The following ZFAND3 variants were observed in gnomAD, a reference collection of about 807,000 sequenced individuals.
The protein encoded by ZFAND3 is zinc finger AN1-type containing 3, also known as AN1-type zinc finger protein 3.
A neutral mutation model predicts 29.6 loss-of-function variants in ZFAND3; 10 were observed. The observed-to-expected ratio is 0.34, with a 90% confidence interval of 0.21 to 0.57. The LOEUF is 0.57. Ranked by LOEUF, ZFAND3 falls within the 20% of genes least tolerant of loss-of-function variation. The pLI is 0.86. For missense variants in ZFAND3, 230 were observed against 304.5 expected (o/e 0.76, Z 1.82); for synonymous variants, 128 against 112.6 (o/e 1.14, Z -0.87).
In ZFAND3 at chr6:38,004,237, A is replaced by G. The variant is rs74624622; in HGVS notation, c.113-57356A>G. On this transcript the variant is annotated intron_variant, in intron 2 of 5. Transcript: ENST00000287218. ...TCAGGTTGAGATCTTGTGATTGTCA[A>G]AAACTCTTGTGTATTTTGAAGGTGA... is the stretch of plus-strand genomic sequence containing the variant. Among the ~76,000 whole-genome samples the G allele has an allele frequency of 2.6e-5, 4 of 152,248 alleles. No individual in the cohort carries two copies. The East Asian group carries it at 7.7e-4, about 29-fold the overall frequency.
chr6:37,957,468 T>C (rs1762104704), intron 2 of ZFAND3, among the ~76,000 whole-genome samples: 1 of 152,104 alleles, frequency 6.6e-6, no homozygotes, highest in African/African-American at 2.4e-5. Context: ...AATAAATTAG[T>C]GAGGCACTTA....
intron 5 of ZFAND3, among the ~76,000 whole-genome samples, chr6:38,136,235 A>G (rs1008619577): frequency 6.6e-6 from 1 of 152,150 alleles, no homozygotes; most frequent in Non-Finnish European, 1.5e-5. Flanking sequence ...TGTACTGTCT[A>G]GTGTATTGCT....
At chr6:37,851,735 GA>G (rs1367531873) in intron 1 of ZFAND3, among the ~76,000 whole-genome samples, 2 of 151,950 alleles carry the variant, frequency 1.3e-5, no homozygotes, top group African/African-American at 4.8e-5. Flanking sequence ...GTTAAAATTG[GA>G]AAAAAATACC....
At chr6:37,967,519 A>G (rs942226805) in intron 2 of ZFAND3, among the ~76,000 whole-genome samples, 1 of 152,184 alleles carries the variant, frequency 6.6e-6, no homozygotes, top group Non-Finnish European at 1.5e-5. Flanking sequence ...GCTCATTACC[A>G]TTGGGGTGTT....
intron 4 of ZFAND3, among the ~76,000 whole-genome samples, chr6:38,101,829 ATAGG>A (rs1220632206): frequency 1.3e-5 from 2 of 151,124 alleles, no homozygotes; most frequent in African/African-American, 2.4e-5. Flanking sequence ...AAACTAAATG[ATAGG>A]TAGGGAGAGG....
At chr6:37,938,047 T>A (rs998616069) in intron 2 of ZFAND3, among the ~76,000 whole-genome samples, 5 of 152,238 alleles carry the variant, frequency 3.3e-5, no homozygotes, top group African/African-American at 1.2e-4. Flanking sequence ...AGTCATCATC[T>A]TCCCAACTCA....
intron 1 of ZFAND3, among the ~76,000 whole-genome samples, chr6:37,881,340 C>A (rs533283342): frequency 2.6e-5 from 4 of 151,742 alleles, no homozygotes; most frequent in African/African-American, 9.6e-5. Flanking sequence ...CCCACCTTGG[C>A]CTCCCAAAGT....
chr6:37,977,872 C>T (rs1247717833), intron 2 of ZFAND3, among the ~76,000 whole-genome samples: 1 of 129,680 alleles, frequency 7.7e-6, no homozygotes, highest in African/African-American at 2.9e-5. Flanking sequence ...TCCTTCCTTT[C>T]CTTCTTCCTT....
chr6:38,080,312 A>G (rs766272084), intron 3 of ZFAND3, among the ~76,000 whole-genome samples: 1 of 151,138 alleles, frequency 6.6e-6, no homozygotes, highest in African/African-American at 2.4e-5. Flanking sequence ...TAATATATAT[A>G]TATATATTAA....
chr6:38,027,159 T>C (rs1763467061), intron 2 of ZFAND3, among the ~76,000 whole-genome samples: 1 of 152,220 alleles, frequency 6.6e-6, no homozygotes, highest in Non-Finnish European at 1.5e-5. Flanking sequence ...GTTACAAACA[T>C]GTTTGTCTCT....
intron 2 of ZFAND3, among the ~76,000 whole-genome samples, chr6:38,042,207 G>T (rs1763803860): frequency 6.6e-6 from 1 of 151,774 alleles, no homozygotes. Flanking sequence ...GCATTAAAAA[G>T]GTTATGCATT....
intron 2 of ZFAND3, among the ~76,000 whole-genome samples, chr6:37,978,781 C>T (rs1215862455): frequency 5.3e-5 from 8 of 152,212 alleles, no homozygotes; most frequent in African/African-American, 1.9e-4. Flanking sequence ...TCTCATGCCT[C>T]AGCCTCCTGA....
intron 2 of ZFAND3, among the ~76,000 whole-genome samples, chr6:38,037,282 A>C (rs1202096382): frequency 6.6e-6 from 1 of 152,202 alleles, no homozygotes; most frequent in Non-Finnish European, 1.5e-5. Context: ...GTGACAACCA[A>C]TTCGTGGTGT....
chr6:38,114,602 A>G (rs897526557), intron 4 of ZFAND3, among the ~76,000 whole-genome samples: 2 of 152,388 alleles, frequency 1.3e-5, no homozygotes, highest in African/African-American at 4.8e-5. Flanking sequence ...CAGGGCCTCC[A>G]TATGCCAGTA....
intron 4 of ZFAND3, among the ~76,000 whole-genome samples, chr6:38,096,015 A>C (rs1764970733): frequency 6.6e-6 from 1 of 152,162 alleles, no homozygotes; most frequent in Non-Finnish European, 1.5e-5. Flanking sequence ...CCTGGGCAAC[A>C]GAGCTGAGAT....
chr6:38,131,452 A>G (rs1409470790), intron 5 of ZFAND3, among the ~76,000 whole-genome samples: 2 of 152,260 alleles, frequency 1.3e-5, no homozygotes, highest in Non-Finnish European at 2.9e-5. Context: ...TGTACCCCCA[A>G]GTTAGACCAT....
rs1764172043 is a variant in ZFAND3, at chr6:38,058,349, TAGG to T, written c.113-3241_113-3239del. Among the ~76,000 whole-genome samples the T allele has an allele frequency of 5.9e-5, 9 of 152,290 alleles. No individual in the cohort carries two copies. In the South Asian group the frequency reaches 1.9e-3, roughly 32 times the overall value. ...GGGAGGGACACAATGATTATTGACA[TAGG>T]AGAGCTAATGAGATTACATGACATA... On this transcript the variant is annotated intron_variant, in intron 2 of 5. Transcript: ENST00000287218.
chr6:38,102,201 A>G (rs1765108809), intron 4 of ZFAND3, among the ~76,000 whole-genome samples: 1 of 151,976 alleles, frequency 6.6e-6, no homozygotes, highest in Non-Finnish European at 1.5e-5. Context: ...AGTACTGAAC[A>G]TAGCTGATTC....
At chr6:37,914,353 G>C (rs574812063) in intron 1 of ZFAND3, among the ~76,000 whole-genome samples, 1 of 152,202 alleles carries the variant, frequency 6.6e-6, no homozygotes, top group East Asian at 1.9e-4. Flanking sequence ...TAGTTGTTTT[G>C]TTTTGTTTTT....
Sources: gnomAD v4.1 joint callset for allele counts (sites outside exome capture counted in the v4.1 genomes callset) on GRCh38, gnomAD v4.1.1 for gene constraint, MANE v1.5 for transcripts, NCBI Gene and HGNC (gene_info 2026-07-23, HGNC 2026-07-21) for gene names.